Variants in TENM3 observed in about 807,000 individuals in gnomAD.
TENM3 encodes teneurin transmembrane protein 3.
A neutral mutation model predicts 255.1 loss-of-function variants in TENM3; 63 were observed. The ratio of observed to expected loss-of-function variants is 0.25; its 90% CI spans 0.20 to 0.30. The LOEUF is 0.30. Ranked by LOEUF, TENM3 falls within the 10% of genes least tolerant of loss-of-function variation. The probability of loss-of-function intolerance (pLI) is 1.00; values close to 1 mark genes in which losing one functional copy is unlikely to be tolerated. For synonymous variants in TENM3, 1,306 were observed against 1,322.3 expected, an observed-to-expected ratio of 0.99 and a Z score of 0.27; for missense variants, 2,929 against 3,461.1, an observed-to-expected ratio of 0.85 and a Z score of 3.86.
At chr4:182,790,201 C>A (rs1441231097) in intron 25 of TENM3, among the ~76,000 whole-genome samples, 2 of 152,134 alleles carry the variant, frequency 1.3e-5, no homozygotes, top group Admixed American at 1.3e-4. Flanking sequence ...GAAAATGATT[C>A]TGTTTTGAGT....
the TENM3 span, among the ~76,000 whole-genome samples, chr4:181,880,174 T>G: frequency 6.6e-6 from 1 of 152,162 alleles, no homozygotes; most frequent in Admixed American, 6.6e-5. Context: ...CTTCCTCTAC[T>G]TCTTCTCTCC....
the TENM3 span, among the ~76,000 whole-genome samples, chr4:181,754,525 G>A: frequency 6.6e-6 from 1 of 152,138 alleles, no homozygotes; most frequent in African/African-American, 2.4e-5. Context: ...CAAAAGATGG[G>A]TAATATCTCA....
At chr4:181,555,723 A>AC in the TENM3 span, among the ~76,000 whole-genome samples, 1 of 152,166 alleles carries the variant, frequency 6.6e-6, no homozygotes, top group Non-Finnish European at 1.5e-5. Context: ...ACCATCTCCT[A>AC]AAGCCTTGGA....
At chr4:181,516,602 G>C in the TENM3 span, among the ~76,000 whole-genome samples, 2 of 151,912 alleles carry the variant, frequency 1.3e-5, no homozygotes, top group South Asian at 4.2e-4. Flanking sequence ...CCAACACGGA[G>C]AAACCCCATC....
chr4:182,020,225 G>T, the TENM3 span, among the ~76,000 whole-genome samples: 1 of 151,942 alleles, frequency 6.6e-6, no homozygotes, highest in African/African-American at 2.4e-5. Flanking sequence ...AATTAGCTGG[G>T]CGTGGTGGTG....
At chr4:181,557,811 G>A in the TENM3 span, among the ~76,000 whole-genome samples, 7 of 152,108 alleles carry the variant, frequency 4.6e-5, no homozygotes, top group South Asian at 2.1e-4. Flanking sequence ...GATTACAGGC[G>A]TAAGCCACCA....
the TENM3 span, among the ~76,000 whole-genome samples, chr4:181,457,550 A>G: frequency 6.6e-6 from 1 of 151,816 alleles, no homozygotes; most frequent in Non-Finnish European, 1.5e-5. Flanking sequence ...TATGTTTTGA[A>G]CCACATACAG....
intron 1 of TENM3, among the ~76,000 whole-genome samples, chr4:182,258,351 T>C (rs1437222508): frequency 6.6e-6 from 1 of 152,174 alleles, no homozygotes; most frequent in Admixed American, 6.5e-5. Context: ...CATTAGACAA[T>C]TAATAACTTA....
the TENM3 span, among the ~76,000 whole-genome samples, chr4:182,080,068 G>C: frequency 2.0e-5 from 3 of 152,198 alleles, no homozygotes; most frequent in Non-Finnish European, 4.4e-5. Flanking sequence ...ACCATGCAGA[G>C]ATACTGAAGA....
chr4:181,513,304 G>A, the TENM3 span, among the ~76,000 whole-genome samples: 10 of 152,112 alleles, frequency 6.6e-5, no homozygotes, highest in South Asian at 1.9e-3. Context: ...CAAGGGAAAT[G>A]CAAGGATCTT....
At chr4:182,110,865 T>A in the TENM3 span, among the ~76,000 whole-genome samples, 6 of 152,278 alleles carry the variant, frequency 3.9e-5, no homozygotes, top group Middle Eastern at 6.8e-3. Flanking sequence ...AACAAATAGA[T>A]GATCGAAACT....
chr4:182,008,940 A>G, the TENM3 span, among the ~76,000 whole-genome samples: 80 of 151,986 alleles, frequency 5.3e-4, no homozygotes, highest in African/African-American at 1.9e-3. Context: ...TGATGATGCT[A>G]TTGTTACTGC....
chr4:182,107,149 CAT>C, the TENM3 span, among the ~76,000 whole-genome samples: 8 of 104,022 alleles, frequency 7.7e-5, no homozygotes, highest in Admixed American at 4.7e-4. Context: ...TGAAACAGAA[CAT>C]ACACACACAC....
chr4:181,688,154 A>G, the TENM3 span, among the ~76,000 whole-genome samples: 1 of 152,178 alleles, frequency 6.6e-6, no homozygotes, highest in Admixed American at 6.5e-5. Context: ...AATAAATTCC[A>G]TAGTACATAG....
chr4:181,781,494 C>T, the TENM3 span, among the ~76,000 whole-genome samples: 1 of 152,128 alleles, frequency 6.6e-6, no homozygotes, highest in Non-Finnish European at 1.5e-5. Context: ...GCTGAAGTTG[C>T]TTATCAGCTT....
At chr4:181,809,016 A>C in the TENM3 span, among the ~76,000 whole-genome samples, 1 of 152,222 alleles carries the variant, frequency 6.6e-6, no homozygotes, top group Admixed American at 6.5e-5. Context: ...TTTGACATAC[A>C]CCGGAGAGAA....
the TENM3 span, among the ~76,000 whole-genome samples, chr4:181,877,827 T>G: frequency 6.6e-6 from 1 of 152,138 alleles, no homozygotes; most frequent in Admixed American, 6.6e-5. Context: ...GCCAAGAGGT[T>G]GTCAAATAGC....
the TENM3 span, among the ~76,000 whole-genome samples, chr4:181,466,460 G>T: frequency 6.6e-6 from 1 of 152,072 alleles, no homozygotes; most frequent in Non-Finnish European, 1.5e-5. Context: ...ATATGCCACA[G>T]TGTGATTCCA....
chr4:182,601,713 A>G (rs574933361), intron 4 of TENM3, among the ~76,000 whole-genome samples: 3 of 152,264 alleles, frequency 2.0e-5, no homozygotes, highest in Non-Finnish European at 4.4e-5. Flanking sequence ...TTGCAGGATT[A>G]TTTCCTAAGA....
Sources: allele counts gnomAD v4.1 joint callset (sites outside exome capture counted in the v4.1 genomes callset), GRCh38; gene constraint gnomAD v4.1.1; transcripts MANE v1.5; gene names NCBI Gene and HGNC (gene_info 2026-07-23, HGNC 2026-07-21).